The following RALB variants were observed in gnomAD, a reference collection of about 807,000 sequenced individuals.
RALB encodes RAS like proto-oncogene B, also known as ras-related protein Ral-B.
A neutral mutation model predicts 21.3 loss-of-function variants in RALB; 16 were observed. The ratio of observed to expected loss-of-function variants is 0.75; its 90% CI spans 0.51 to 1.14. RALB has a LOEUF of 1.14. Among genes scored for constraint, RALB ranks in the 50% most tolerant of loss-of-function variants. RALB has a pLI of 0.00. For missense variants in RALB, 161 were observed against 256.2 expected (o/e 0.63, Z 2.54); for synonymous variants, 93 against 96.1 (o/e 0.97, Z 0.19).
intron 1 of RALB, among the ~76,000 whole-genome samples, chr2:120,245,697 G>A (rs1688959278): frequency 6.6e-6 from 1 of 152,118 alleles, no homozygotes; most frequent in Non-Finnish European, 1.5e-5. Flanking sequence ...GCCTGCACGG[G>A]TTGTGCAAGG....
intron 1 of RALB, among the ~76,000 whole-genome samples, chr2:120,260,170 G>A (rs1041885050): frequency 6.6e-6 from 1 of 152,240 alleles, no homozygotes; most frequent in Non-Finnish European, 1.5e-5. Flanking sequence ...AGTGGGCTCC[G>A]GCCTTGGCCA....
At chr2:120,258,569 C>G (rs546379332) in intron 1 of RALB, among the ~76,000 whole-genome samples, 43 of 152,240 alleles carry the variant, frequency 2.8e-4, no homozygotes, top group African/African-American at 1.0e-3. Context: ...GTTAGAAGCC[C>G]CATTGGAAGG....
chr2:120,247,306 A>G (rs1688988126), intron 1 of RALB, among the ~76,000 whole-genome samples: 1 of 152,242 alleles, frequency 6.6e-6, no homozygotes, highest in South Asian at 2.1e-4. Context: ...AGCTAATTAA[A>G]TAATTTAAAA....
chr2:120,279,021 G>A (rs564802560), intron 2 of RALB, among the ~76,000 whole-genome samples: 18 of 152,300 alleles, frequency 1.2e-4, no homozygotes, highest in African/African-American at 4.1e-4. Flanking sequence ...CGTTTCCATT[G>A]TTATACTTCG....
chr2:120,248,253 C>T (rs561462285), upstream of RALB, among the ~76,000 whole-genome samples: 1 of 152,184 alleles, frequency 6.6e-6, no homozygotes, highest in African/African-American at 2.4e-5. Flanking sequence ...CCCACAGAAG[C>T]TTGCCGGGCC....
chr2:120,269,451 T>G (rs911828898), intron 1 of RALB, among the ~76,000 whole-genome samples: 6 of 151,966 alleles, frequency 3.9e-5, no homozygotes, highest in Admixed American at 6.5e-5. Flanking sequence ...CCAGTTTTTA[T>G]TCCCTTATTT....
upstream of RALB, among the ~76,000 whole-genome samples, chr2:120,249,415 C>T (rs1005819158): frequency 2.6e-5 from 4 of 152,156 alleles, no homozygotes; most frequent in African/African-American, 9.7e-5. Flanking sequence ...TATTAATTAG[C>T]TCATGTTTCT....
intron 1 of RALB, among the ~76,000 whole-genome samples, chr2:120,260,604 G>C (rs917317609): frequency 6.6e-6 from 1 of 152,214 alleles, no homozygotes; most frequent in African/African-American, 2.4e-5. Flanking sequence ...GGAATGCCTG[G>C]CAAGTGGCGC....
chr2:120,264,970 C>G (rs1334510552), intron 1 of RALB, among the ~76,000 whole-genome samples: 1 of 152,210 alleles, frequency 6.6e-6, no homozygotes, highest in Non-Finnish European at 1.5e-5. Context: ...TACATTTACA[C>G]CACATCTGAT....
At chr2:120,271,925 T>G (rs370083841) in intron 1 of RALB, among the ~76,000 whole-genome samples, 17 of 152,340 alleles carry the variant, frequency 1.1e-4, no homozygotes, top group African/African-American at 4.1e-4. Flanking sequence ...AGCCCAAATG[T>G]TTTTTGAACA....
chr2:120,288,414 G>A (rs1690224242), intron 3 of RALB, among the ~76,000 whole-genome samples: 1 of 129,346 alleles, frequency 7.7e-6, no homozygotes, highest in Non-Finnish European at 1.5e-5. Flanking sequence ...TGAACTCCTG[G>A]GCTCAAGTGT....
chr2:120,242,341 G>A (rs978859799), intron 1 of RALB, among the ~76,000 whole-genome samples: 2 of 152,162 alleles, frequency 1.3e-5, no homozygotes, highest in Non-Finnish European at 2.9e-5. Context: ...ACGACACTGG[G>A]AATTTACTTC....
At chr2:120,272,662 C>A (rs922602580) in intron 1 of RALB, among the ~76,000 whole-genome samples, 1 of 152,108 alleles carries the variant, frequency 6.6e-6, no homozygotes, top group African/African-American at 2.4e-5. Context: ...GGTATTAAAT[C>A]ATTAACGTGA....
In RALB at chr2:120,293,293, T is replaced by C; in HGVS notation, c.*33T>C. The C allele has an allele frequency of 6.3e-7, 1 of 1,596,942 alleles. No homozygotes were observed. Among genetic ancestry groups the C allele is most frequent in the South Asian group, 1.1e-5 (1 of 88,698 alleles). On this transcript the variant is annotated 3_prime_UTR_variant, in exon 5 of 5. Transcript: ENST00000272519. The stretch of plus-strand genomic sequence containing the variant: ...GGTGACGGATGAAGCCAGCTGCTCC[T>C]AAGGACACAGGGCTGGGTTGGTAAA...
chr2:120,293,364 G>C lies in RALB; in HGVS notation c.*104G>C. ...CTTGCTTGTGCTTCCCACTCTCCCC[G>C]ACTTCATTCACTCAAACTTCTTTAA... On this transcript the variant is annotated 3_prime_UTR_variant, in exon 5 of 5. Transcript: ENST00000272519. 8.1e-7 allele frequency: 1 copy of C among 1,232,380 alleles called. No homozygotes were observed. Among genetic ancestry groups the C allele is most frequent in the African/African-American group, 1.6e-5 (1 of 63,382 alleles). The allele number at this position is 1,232,380 out of a possible 1,614,324, so 76.3% of individuals were successfully genotyped here.
At chr2:120,248,580 AC>A (rs756991296), upstream of RALB, among the ~76,000 whole-genome samples, 1 of 151,206 alleles carries the variant, frequency 6.6e-6, no homozygotes, top group Non-Finnish European at 1.5e-5. Flanking sequence ...CTGTGCGTGG[AC>A]CCCCGGAACA....
intron 4 of RALB, among the ~76,000 whole-genome samples, chr2:120,290,028 A>G (rs1348769869): frequency 1.3e-5 from 2 of 152,164 alleles, no homozygotes; most frequent in Non-Finnish European, 2.9e-5. Context: ...TTTTTGAGAC[A>G]AAGTCTCACT....
At chr2:120,259,908 C>T (rs1689314306) in intron 1 of RALB, among the ~76,000 whole-genome samples, 2 of 152,228 alleles carry the variant, frequency 1.3e-5, no homozygotes, top group Admixed American at 6.5e-5. Flanking sequence ...GGGAAGGCAG[C>T]CAAGGCCCGG....
chr2:120,277,765 C>A (rs776208141), intron 1 of RALB, among the ~76,000 whole-genome samples: 2 of 144,996 alleles, frequency 1.4e-5, no homozygotes, highest in South Asian at 4.6e-4. Flanking sequence ...GCATGTATGA[C>A]AGCGTGTGCT....
Sources: allele counts gnomAD v4.1 joint callset (sites outside exome capture counted in the v4.1 genomes callset), GRCh38; gene constraint gnomAD v4.1.1; transcripts MANE v1.5; gene names NCBI Gene and HGNC (gene_info 2026-07-23, HGNC 2026-07-21).